RSBN1L: variants seen among roughly 807,000 people sequenced by gnomAD.
RSBN1L encodes round spermatid basic protein 1 like.
In RSBN1L, 30 loss-of-function variants were observed where a neutral mutation model predicts 67.7. That is an observed-to-expected ratio of 0.44 (90% CI 0.33 to 0.60). RSBN1L has a LOEUF of 0.60. Among genes scored for constraint, RSBN1L ranks in the 20% least tolerant of loss-of-function variants. The pLI is 0.02. For missense variants in RSBN1L, 992 were observed against 1,031.7 expected, an observed-to-expected ratio of 0.96 and a Z score of 0.53; for synonymous variants, 433 against 387.0, an observed-to-expected ratio of 1.12 and a Z score of -1.39.
In RSBN1L at chr7:77,696,555, T is replaced by C. The variant is rs547849948; in HGVS notation, c.86T>C (p.Leu29Pro). Reference protein sequence around the residue: ...TVSEKEPFGKLQLSSRDPPGS... With the variant: ...TVSEKEPFGKPQLSSRDPPGS... ...TCGGAGAAAGAACCGTTTGGCAAGC[T>C]GCAACTCTCCTCCCGGGACCCTCCG... Residue 29 changes from leucine to proline, a missense_variant, in exon 1 of 8, where the codon CTG (leucine) becomes CCG (proline). Physicochemically the swap from Leu to Pro is moderately conservative, Grantham distance 98 (BLOSUM62 -3). Around this residue, in one of 7 missense-constraint regions of RSBN1L, gnomAD observed 575 missense variants for 483.2 expected, o/e 1.19. Transcript: ENST00000334955. The C allele has an allele frequency of 4.3e-6, 7 of 1,614,046 alleles. No homozygotes were observed. The East Asian group carries it at 6.7e-5, about 15-fold the overall frequency.
At chr7:77,730,620 T>C (rs148126432) in intron 1 of RSBN1L, among the ~76,000 whole-genome samples, 179 of 152,346 alleles carry the variant, frequency 1.2e-3, no homozygotes, top group African/African-American at 4.2e-3. Context: ...AGTTTTGCCT[T>C]TTCCACAGCG....
intron 3 of RSBN1L, among the ~76,000 whole-genome samples, chr7:77,763,655 A>G (rs1416730927): frequency 2.0e-5 from 3 of 152,194 alleles, no homozygotes; most frequent in South Asian, 2.1e-4. Flanking sequence ...AGATGAGACA[A>G]TGAGCATACA....
chr7:77,772,169 C>G (rs906322409), intron 5 of RSBN1L, among the ~76,000 whole-genome samples: 4 of 150,360 alleles, frequency 2.7e-5, no homozygotes, highest in African/African-American at 9.8e-5. Flanking sequence ...CACAAAGAAC[C>G]AAAAAAAAAT....
intron 2 of RSBN1L, among the ~76,000 whole-genome samples, chr7:77,739,894 C>T (rs116909198): frequency 0.018 from 2,739 of 149,484 alleles, 37 homozygotes; most frequent in Middle Eastern, 0.072. Context: ...GGATTACAGC[C>T]GCACGCCGCC....
chr7:77,704,717 C>G (rs975537571), intron 1 of RSBN1L, among the ~76,000 whole-genome samples: 8 of 152,032 alleles, frequency 5.3e-5, no homozygotes, highest in Non-Finnish European at 1.0e-4. Context: ...GTGGCTCATG[C>G]CTGTAAACCC....
At chr7:77,697,096 G>T (rs1790746347) in intron 1 of RSBN1L, 41 bp downstream of exon 1, 1 of 1,337,168 alleles carries the variant, frequency 7.5e-7, no homozygotes, top group Non-Finnish European at 9.5e-7. Flanking sequence ...GGCGCCGTGG[G>T]TCCCCGCCGC....
rs567114033 is a variant in RSBN1L, at chr7:77,738,089, A to G, written c.703+1563A>G. Among the ~76,000 whole-genome samples the G allele has an allele frequency of 6.1e-4, 92 of 150,630 alleles. 1 individual carries two copies. The highest frequency in any genetic ancestry group is 2.1e-3 in the African/African-American group (87 of 41,090). On this transcript the variant is annotated intron_variant, in intron 2 of 7. Coordinates refer to ENST00000334955, the MANE Select transcript of RSBN1L (RefSeq NM_198467.3). Reference sequence around the variant, plus strand: ...TTACCCTTGGTTTAGCCCAATAGCCATTTTTTTTTCTGATTTAATCAAATA... The same window carrying G: ...TTACCCTTGGTTTAGCCCAATAGCCGTTTTTTTTTCTGATTTAATCAAATA...
At position 77,781,291 on chromosome 7, in the gene RSBN1L, C is replaced by G. The variant is rs960544913; in HGVS notation, c.*2123C>G. On this transcript the variant is annotated 3_prime_UTR_variant, in exon 8 of 8. Coordinates refer to ENST00000334955, the MANE Select transcript of RSBN1L (RefSeq NM_198467.3). ...ATAGTAAGGGTTTTGTTTTATATGTCATTGTCTTACCATGCTCCCCACCTA... is the reference window on the plus strand; with the variant it reads ...ATAGTAAGGGTTTTGTTTTATATGTGATTGTCTTACCATGCTCCCCACCTA... The G allele has an allele frequency of 1.3e-5, 2 of 152,156 alleles. No individual in the cohort carries two copies. The highest frequency in any genetic ancestry group is 2.9e-5 in the Non-Finnish European group (2 of 68,010). The allele number at this position is 152,156 out of a possible 1,614,324, so 9.4% of individuals were successfully genotyped here. A position where few individuals can be genotyped will look rare whatever the true frequency, so the allele number is the denominator to read the frequency against.
At chr7:77,741,286 C>T (rs1265024227) in intron 2 of RSBN1L, among the ~76,000 whole-genome samples, 1 of 151,902 alleles carries the variant, frequency 6.6e-6, no homozygotes, top group Non-Finnish European at 1.5e-5. Context: ...TGCACCTGGC[C>T]ACCATTTTAC....
intron 1 of RSBN1L, among the ~76,000 whole-genome samples, chr7:77,728,388 A>G (rs973560235): frequency 2.0e-5 from 3 of 152,134 alleles, no homozygotes; most frequent in African/African-American, 7.2e-5. Flanking sequence ...GTGTACTGTT[A>G]CTGTTGAAGA....
chr7:77,775,067 G>T (rs1224545652), intron 6 of RSBN1L, among the ~76,000 whole-genome samples: 1 of 152,078 alleles, frequency 6.6e-6, no homozygotes, highest in African/African-American at 2.4e-5. Context: ...TTGTATTACT[G>T]TTCCTTGCAG....
chr7:77,724,641 G>A (rs776601514), intron 1 of RSBN1L, among the ~76,000 whole-genome samples: 5 of 151,722 alleles, frequency 3.3e-5, no homozygotes, highest in Non-Finnish European at 7.4e-5. Context: ...GGCCAGGCTG[G>A]TCTCGAACTC....
rs1792003053 is a variant in RSBN1L, at chr7:77,781,841, T to G, written c.*2673T>G. 1 of 151,822 alleles carries G rather than the reference T, an allele frequency of 6.6e-6. No homozygotes were observed. The highest frequency in any genetic ancestry group is 2.4e-5 in the African/African-American group (1 of 41,312). The allele number at this position is 151,822 out of a possible 1,614,324, so 9.4% of individuals were successfully genotyped here. ...CTACTAAAAATACAAAAAAATTAGT[T>G]GGGCGTGGTGGCGTGCGCCTGTAAT... On this transcript the variant is annotated 3_prime_UTR_variant, in exon 8 of 8. Coordinates refer to ENST00000334955, the MANE Select transcript of RSBN1L (RefSeq NM_198467.3).
intron 2 of RSBN1L, among the ~76,000 whole-genome samples, chr7:77,742,221 C>T (rs535440729): frequency 3.3e-4 from 33 of 99,908 alleles, no homozygotes; most frequent in Admixed American, 1.4e-3. Context: ...ACACACACGG[C>T]AAGAATCCAT....
intron 3 of RSBN1L, among the ~76,000 whole-genome samples, chr7:77,761,885 A>G (rs1791701135): frequency 6.6e-6 from 1 of 152,186 alleles, no homozygotes; most frequent in Admixed American, 6.5e-5. Context: ...AATTTGGTCT[A>G]AGTTTAAATA....
chr7:77,771,148 G>A lies in RSBN1L; in HGVS notation c.1626-1999G>A, dbSNP rs144939113. Among the ~76,000 whole-genome samples, 712 of 152,222 alleles carry A rather than the reference G, an allele frequency of 4.7e-3. 7 individuals are homozygous for A. The highest frequency in any genetic ancestry group is 0.016 in the African/African-American group (670 of 41,540). On this transcript the variant is annotated intron_variant, in intron 5 of 7. Transcript: ENST00000334955. ...GTAGAGATGGTGTTTCACCATGTTG[G>A]CCAGGATGGTCTTGATCTCTTGATC...
intron 1 of RSBN1L, among the ~76,000 whole-genome samples, chr7:77,725,782 G>A (rs1172695851): frequency 7.9e-5 from 12 of 151,660 alleles, no homozygotes; most frequent in African/African-American, 2.4e-4. Context: ...TAGAGACAGG[G>A]TTTCTCCATG....
chr7:77,730,927 T>C (rs1791264334), intron 1 of RSBN1L, among the ~76,000 whole-genome samples: 1 of 152,196 alleles, frequency 6.6e-6, no homozygotes, highest in Non-Finnish European at 1.5e-5. Flanking sequence ...TAAGAGTATA[T>C]TTAGTTTTGT....
rs779531960 is a variant in RSBN1L at position 77,725,244 on chromosome 7, C to CTTTTTTTTTTTTTTTTTTTTTTT, written c.587-11145_587-11144insTTTTTTTTTTTTTTTTTTTTTTT. ...TTCTTCCCTAGGGATAAGCCCCCCACTTTTTTTTTTTTTTTTTTTTTGAGA... is the reference window on the plus strand; with the variant it reads ...TTCTTCCCTAGGGATAAGCCCCCCACTTTTTTTTTTTTTTTTTTTTTTTTTTTTTTTTTTTTTTTTTTTTGAGA... On this transcript the variant is annotated intron_variant, in intron 1 of 7. Coordinates refer to ENST00000334955, the MANE Select transcript of RSBN1L (RefSeq NM_198467.3). Among the ~76,000 whole-genome samples the CTTTTTTTTTTTTTTTTTTTTTTT allele has an allele frequency of 5.0e-4, 37 of 73,640 alleles. 4 individuals carry two copies. Among genetic ancestry groups the CTTTTTTTTTTTTTTTTTTTTTTT allele is most frequent in the African/African-American group, 1.3e-3 (19 of 14,952 alleles). The allele number at this position is 73,640 out of a possible 152,430, so 48.3% of individuals were successfully genotyped here.
Sources: allele counts gnomAD v4.1 joint callset (sites outside exome capture counted in the v4.1 genomes callset), GRCh38; gene constraint gnomAD v4.1.1; regional missense constraint gnomAD v4.1.1; transcripts MANE v1.5; gene names NCBI Gene and HGNC (gene_info 2026-07-23, HGNC 2026-07-21).